PPM1L: variants seen among roughly 807,000 people sequenced by gnomAD.
The protein encoded by PPM1L is protein phosphatase 1L.
PPM1L carries 13 observed loss-of-function variants against 31.4 expected under a neutral mutation model. That is an observed-to-expected ratio of 0.41 (90% CI 0.27 to 0.66). The LOEUF is 0.66. Ranked by LOEUF, PPM1L falls within the 30% of genes least tolerant of loss-of-function variation. PPM1L has a pLI of 0.29. For missense variants in PPM1L, 326 were observed against 453.7 expected (o/e 0.72, Z 2.56); for synonymous variants, 184 against 175.4 (o/e 1.05, Z -0.39).
chr3:160,911,172 C>T (rs1713959404), intron 1 of PPM1L, among the ~76,000 whole-genome samples: 1 of 152,164 alleles, frequency 6.6e-6, no homozygotes, highest in Admixed American at 6.5e-5. Context: ...TATTAATAGT[C>T]TCATCCTTTG....
intron 2 of PPM1L, among the ~76,000 whole-genome samples, chr3:160,977,984 A>T (rs1253729120): frequency 6.6e-6 from 1 of 152,300 alleles, no homozygotes; most frequent in South Asian, 2.1e-4. Flanking sequence ...CCTCAAATGT[A>T]GAGCCTGAAG....
At chr3:160,890,522 G>A (rs1713101806) in intron 1 of PPM1L, among the ~76,000 whole-genome samples, 1 of 152,174 alleles carries the variant, frequency 6.6e-6, no homozygotes, top group Non-Finnish European at 1.5e-5. Flanking sequence ...TGGATAGTAA[G>A]AATCAATATT....
At chr3:160,848,779 C>T (rs1714161240) in intron 1 of PPM1L, among the ~76,000 whole-genome samples, 1 of 152,210 alleles carries the variant, frequency 6.6e-6, no homozygotes, top group Admixed American at 6.5e-5. Context: ...ATGAAATTCC[C>T]CTTCTTTCCT....
intron 2 of PPM1L, among the ~76,000 whole-genome samples, chr3:160,964,052 C>T (rs1394143931): frequency 6.6e-6 from 1 of 151,912 alleles, no homozygotes; most frequent in African/African-American, 2.4e-5. Context: ...AAAATATTAT[C>T]ATGTTTGGGG....
At chr3:160,916,004 G>T (rs917165457) in intron 1 of PPM1L, among the ~76,000 whole-genome samples, 5 of 152,212 alleles carry the variant, frequency 3.3e-5, no homozygotes, top group Admixed American at 3.3e-4. Flanking sequence ...CATGGGCAAA[G>T]ACTTCATGTC....
chr3:160,886,376 T>A (rs536562006), intron 1 of PPM1L, among the ~76,000 whole-genome samples: 24 of 152,320 alleles, frequency 1.6e-4, no homozygotes, highest in African/African-American at 5.3e-4. Flanking sequence ...AAATGGGTCC[T>A]GTTCCCTGTA....
At chr3:160,795,405 G>C (rs1195819393) in intron 1 of PPM1L, among the ~76,000 whole-genome samples, 1 of 152,064 alleles carries the variant, frequency 6.6e-6, no homozygotes, top group African/African-American at 2.4e-5. Flanking sequence ...TGGCAACCAA[G>C]CTTCCCACCC....
chr3:161,049,040 T>C (rs141282548), intron 2 of PPM1L, among the ~76,000 whole-genome samples: 1,886 of 150,352 alleles, frequency 0.013, 31 homozygotes, highest in African/African-American at 0.043. Flanking sequence ...GTAACACACC[T>C]GCAGGTTGTG....
intron 2 of PPM1L, among the ~76,000 whole-genome samples, chr3:161,060,736 T>TA (rs397941522): frequency 1.3e-5 from 2 of 151,316 alleles, no homozygotes; most frequent in African/African-American, 4.9e-5. Flanking sequence ...TTTTTTTTTT[T>TA]AAGCTTTTTG....
chr3:160,941,439 G>A (rs755965121), intron 1 of PPM1L, among the ~76,000 whole-genome samples: 83 of 152,306 alleles, frequency 5.4e-4, no homozygotes, highest in Admixed American at 3.1e-3. Context: ...CATGTGTTGT[G>A]AGAGGGACCC....
intron 1 of PPM1L, among the ~76,000 whole-genome samples, chr3:160,882,066 G>A (rs946714765): frequency 7.1e-6 from 1 of 141,484 alleles, no homozygotes; most frequent in South Asian, 2.2e-4. Context: ...AAAAAAAAAA[G>A]TATGTATTCC....
At chr3:160,859,541 C>T (rs1711823948) in intron 1 of PPM1L, among the ~76,000 whole-genome samples, 1 of 152,170 alleles carries the variant, frequency 6.6e-6, no homozygotes, top group Non-Finnish European at 1.5e-5. Flanking sequence ...TTTGATCTTA[C>T]TTGTGTTTAT....
chr3:160,818,706 T>C (rs544416354), intron 1 of PPM1L, among the ~76,000 whole-genome samples: 1 of 152,114 alleles, frequency 6.6e-6, no homozygotes, highest in Admixed American at 6.6e-5. Flanking sequence ...TATTCATTTA[T>C]TTAGTTTTTA....
intron 2 of PPM1L, among the ~76,000 whole-genome samples, chr3:160,981,718 ACCTTT>A (rs1385188377): frequency 6.8e-6 from 1 of 147,178 alleles, no homozygotes; most frequent in African/African-American, 2.5e-5. Flanking sequence ...TACTATTATC[ACCTTT>A]CCTTCTCATT....
chr3:161,042,420 G>C (rs1202009037), intron 2 of PPM1L, among the ~76,000 whole-genome samples: 1 of 152,192 alleles, frequency 6.6e-6, no homozygotes, highest in East Asian at 1.9e-4. Context: ...TCTTGTTTGA[G>C]CCAGAGCAGC....
intron 2 of PPM1L, among the ~76,000 whole-genome samples, chr3:161,060,103 G>A (rs934376517): frequency 2.6e-5 from 4 of 152,090 alleles, no homozygotes; most frequent in Non-Finnish European, 5.9e-5. Context: ...TAAATAAATA[G>A]TCTAAATAAA....
At chr3:161,064,886 G>C (rs1049814252) in intron 2 of PPM1L, among the ~76,000 whole-genome samples, 7 of 151,970 alleles carry the variant, frequency 4.6e-5, no homozygotes, top group Non-Finnish European at 1.5e-5. Context: ...AGTCTTTGCT[G>C]TCAGACTTTG....
At chr3:160,908,700 C>T (rs61136727) in intron 1 of PPM1L, among the ~76,000 whole-genome samples, 6,994 of 152,156 alleles carry the variant, frequency 0.046, 503 homozygotes, top group African/African-American at 0.15. Context: ...TGCTCTAAAA[C>T]AGTTTACCAC....
rs1559897005 is a variant in PPM1L at position 160,944,829 on chromosome 3, A to AT, written c.400-16907_400-16906insT. Among the ~76,000 whole-genome samples, 2 of 47,806 alleles carry AT rather than the reference A, an allele frequency of 4.2e-5. 1 individual carries two copies. Among genetic ancestry groups the AT allele is most frequent in the Non-Finnish European group, 1.1e-4 (2 of 18,154 alleles). The allele number at this position is 47,806 out of a possible 152,430, so 31.4% of individuals were successfully genotyped here. On this transcript the variant is annotated intron_variant, in intron 1 of 3. Transcript: ENST00000498165. ...TATATAACATATATATGTTATATAT[A>AT]ACATATATATGTTATATATAACATA...
Sources: allele counts gnomAD v4.1 joint callset (sites outside exome capture counted in the v4.1 genomes callset), GRCh38; gene constraint gnomAD v4.1.1; transcripts MANE v1.5; gene names NCBI Gene and HGNC (gene_info 2026-07-23, HGNC 2026-07-21).